The following SAMD14 variants were observed in gnomAD, a reference collection of about 807,000 sequenced individuals.
SAMD14 encodes the protein sterile alpha motif domain containing 14.
In SAMD14, 27 loss-of-function variants were observed where a neutral mutation model predicts 46.2. The ratio of observed to expected loss-of-function variants is 0.58; its 90% CI spans 0.43 to 0.81. The LOEUF is 0.81. SAMD14 is among the 30% of genes least tolerant of loss of function. The pLI is 0.00. For missense variants in SAMD14, 559 were observed against 582.2 expected (o/e 0.96, Z 0.41); for synonymous variants, 241 against 254.3 (o/e 0.95, Z 0.50).
chr17:50,114,110 G>A (rs1911034780), intron 8 of SAMD14, 31 bp from the exon 9 acceptor site: 1 of 1,613,814 alleles, frequency 6.2e-7, no homozygotes, highest in Non-Finnish European at 8.5e-7. Flanking sequence ...GTGAGGGGGA[G>A]GCTTGGCCTG....
intron 3 of SAMD14, 100 bp from the exon 4 acceptor site, chr17:50,117,795 C>A (rs1911305099): frequency 8.0e-7 from 1 of 1,246,244 alleles, no homozygotes; most frequent in Non-Finnish European, 1.0e-6. Context: ...GAGGGTCCTT[C>A]CGGGGCCTAG....
intron 1 of SAMD14, among the ~76,000 whole-genome samples, chr17:50,128,449 ACT>A (rs1298259771): frequency 1.3e-5 from 1 of 75,454 alleles, no homozygotes; most frequent in Non-Finnish European, 2.5e-5. Flanking sequence ...ACCCGCCCCC[ACT>A]CTCACTCCCA....
intron 7 of SAMD14, 151 bp from the exon 8 acceptor site, chr17:50,114,457 A>G (rs766602680): frequency 1.9e-6 from 3 of 1,608,488 alleles, no homozygotes; most frequent in Admixed American, 3.4e-5. Context: ...ACAGGACATG[A>G]TAACTCATGT....
At chr17:50,125,070 C>A (rs1017104855) in intron 1 of SAMD14, 99 bp from the exon 2 acceptor site, 30 of 1,009,790 alleles carry the variant, frequency 3.0e-5, no homozygotes, top group Non-Finnish European at 3.9e-5. Flanking sequence ...CTGCTCCAGG[C>A]CTGTTGGCCC....
At chr17:50,124,755 G>C (rs576585407) in intron 2 of SAMD14, among the ~76,000 whole-genome samples, 162 bp downstream of exon 2, 1 of 102,462 alleles carries the variant, frequency 9.8e-6, no homozygotes, top group Non-Finnish European at 2.0e-5. Flanking sequence ...ATACCTGCAC[G>C]CGTGCACGCG....
intron 2 of SAMD14, chr17:50,124,051 A>G (rs1404934523): frequency 6.6e-6 from 3 of 455,876 alleles, no homozygotes; most frequent in Non-Finnish European, 1.3e-5. Context: ...ACCCTCTGGC[A>G]TAGGAGCCCC....
chr17:50,125,180 G>T (rs1398522091), intron 1 of SAMD14: 3 of 552,296 alleles, frequency 5.4e-6, no homozygotes, highest in Admixed American at 6.2e-5. Context: ...TAGTAGGAGG[G>T]TGGGGGCAGA....
chr17:50,127,606 A>AC (rs1911838685), intron 1 of SAMD14, among the ~76,000 whole-genome samples: 1 of 151,994 alleles, frequency 6.6e-6, no homozygotes, highest in African/African-American at 2.4e-5. Flanking sequence ...TGTCTCAAAA[A>AC]AAAAAACAAA....
chr17:50,113,087 C>T lies in SAMD14; in HGVS notation c.1099-39G>A, dbSNP rs546502292. 2.8e-5 allele frequency: 45 copies of T among 1,602,680 alleles called. No individual in the cohort carries two copies. In the South Asian group the frequency reaches 4.8e-4, roughly 17 times the overall value. ...CGGGGTGAGGGAGAGAGTCCCAGAA[C>T]CTTCCCAGTCCTGGCCTCCCACGCC... On this transcript the variant is annotated intron_variant, in intron 9 of 9. Coordinates refer to ENST00000330175, the MANE Select transcript of SAMD14 (RefSeq NM_001257359.2).
chr17:50,112,851 AGTGGCT>A lies in SAMD14; in HGVS notation c.*36_*41del. The stretch of plus-strand genomic sequence containing the variant: ...TGGTGAGGCCTGTGCCCGCGGAGCC[AGTGGCT>A]GCCCCTGCCGGGTGCCAGCGCCTGT... On this transcript the variant is annotated 3_prime_UTR_variant, in exon 10 of 10. Transcript: ENST00000330175. 1 of 1,579,310 alleles carries A rather than the reference AGTGGCT, an allele frequency of 6.3e-7. No homozygotes were observed. The highest frequency in any genetic ancestry group is 1.1e-5 in the South Asian group (1 of 88,942).
chr17:50,110,047 T>C lies in SAMD14; in HGVS notation c.*2846A>G. 6.2e-7 allele frequency: 1 copy of C among 1,611,156 alleles called. No homozygotes were observed. The highest frequency in any genetic ancestry group is 1.1e-5 in the South Asian group (1 of 90,386). ...GACCATCCAGGAGGCCGGCGACTGG[T>C]GTGTGCCCAGCACGGAGCCCAAGAA... On this transcript the variant is annotated 3_prime_UTR_variant, in exon 10 of 10. Transcript: ENST00000330175.
At position 50,111,056 on chromosome 17, in the gene SAMD14, G is replaced by T. The variant is rs932396897; in HGVS notation, c.*1837C>A. 1.3e-5 allele frequency: 2 copies of T among 152,430 alleles called. No individual in the cohort carries two copies. Among genetic ancestry groups the T allele is most frequent in the African/African-American group, 4.8e-5 (2 of 41,458 alleles). The allele number at this position is 152,430 out of a possible 1,614,324, so 9.4% of individuals were successfully genotyped here. A position where few individuals can be genotyped will look rare whatever the true frequency, so the allele number is the denominator to read the frequency against. ...ACCCACAGTAAAGAGGAGACTGAAT[G>T]AGACTGGCCTGGCTGCATCCCTGGG... On this transcript the variant is annotated 3_prime_UTR_variant, in exon 10 of 10. Transcript: ENST00000330175.
intron 4 of SAMD14, among the ~76,000 whole-genome samples, chr17:50,116,917 G>C (rs1476555900): frequency 3.3e-5 from 5 of 152,080 alleles, no homozygotes; most frequent in Non-Finnish European, 7.4e-5. Flanking sequence ...GAGGCAAGGA[G>C]TGATCATAGC....
chr17:50,110,079 C>A lies in SAMD14; in HGVS notation c.*2814G>T. 6.2e-7 allele frequency: 1 copy of A among 1,609,422 alleles called. No individual in the cohort carries two copies. The highest frequency in any genetic ancestry group is 8.5e-7 in the Non-Finnish European group (1 of 1,177,600). ...CCAGCACGGAGCCCAAGAACACGTC[C>A]ACGTACCGCGTCAGCTAAGGGCCGC... On this transcript the variant is annotated 3_prime_UTR_variant, in exon 10 of 10. Coordinates refer to ENST00000330175, the MANE Select transcript of SAMD14 (RefSeq NM_001257359.2).
rs557476944 is a variant in SAMD14 at position 50,125,157 on chromosome 17, G to A, written c.-12-186C>T. On this transcript the variant is annotated intron_variant, in intron 1 of 9. Coordinates refer to ENST00000330175, the MANE Select transcript of SAMD14 (RefSeq NM_001257359.2). ...AATCATAACCCAGATGGTGGGCGCC[G>A]GGGCAGGCAGTATAGTAGGAGGGTG... 4.5e-4 allele frequency: 263 copies of A among 584,050 alleles called. 1 individual carries two copies. In the East Asian group the frequency reaches 7.2e-3, roughly 16 times the overall value. The allele number at this position is 584,050 out of a possible 1,614,324, so 36.2% of individuals were successfully genotyped here. A position where few individuals can be genotyped will look rare whatever the true frequency, so the allele number is the denominator to read the frequency against.
rs151095487 is a variant in SAMD14 at position 50,128,612 on chromosome 17, G to C, written c.-13+905C>G. Reference sequence around the variant, plus strand: ...CCAATCCTGGAGAAGGAGCACCAATGACCTTTGACCCTTCTCTGGGAGAAA... The same window carrying C: ...CCAATCCTGGAGAAGGAGCACCAATCACCTTTGACCCTTCTCTGGGAGAAA... On this transcript the variant is annotated intron_variant, in intron 1 of 9. Transcript: ENST00000330175. Among the ~76,000 whole-genome samples the C allele has an allele frequency of 7.2e-5, 11 of 152,244 alleles. No homozygotes were observed. The East Asian group carries it at 2.1e-3, about 29-fold the overall frequency.
At chr17:50,114,431 G>C in intron 7 of SAMD14, 125 bp from the exon 8 acceptor site, 1 of 1,613,552 alleles carries the variant, frequency 6.2e-7, no homozygotes, top group Non-Finnish European at 8.5e-7. Context: ...GCATGAGCCA[G>C]GAGCTGGGCC....
Position 50,118,359 on chromosome 17 carries a change from A to T in SAMD14, c.44-32T>A, listed in dbSNP as rs138169376. On this transcript the variant is annotated intron_variant, in intron 2 of 9. Coordinates refer to ENST00000330175, the MANE Select transcript of SAMD14 (RefSeq NM_001257359.2). The stretch of plus-strand genomic sequence containing the variant: ...ACCGGGGGAGGGGAGCAGAGACCAG[A>T]CACATGAGAGGTGACGGCAAGCCCA... 5.0e-3 allele frequency: 7,961 copies of T among 1,605,704 alleles called. 24 individuals carry two copies. The highest frequency in any genetic ancestry group is 6.1e-3 in the Non-Finnish European group (7,175 of 1,179,620).
chr17:50,118,019 G>T, intron 3 of SAMD14, 142 bp downstream of exon 3: 1 of 892,294 alleles, frequency 1.1e-6, no homozygotes, highest in Non-Finnish European at 1.7e-6. Flanking sequence ...GAAGTGAACT[G>T]CAGCTAACAC....
Sources: gnomAD v4.1 joint callset for allele counts (sites outside exome capture counted in the v4.1 genomes callset) on GRCh38, gnomAD v4.1.1 for gene constraint, MANE v1.5 for transcripts, NCBI Gene and HGNC (gene_info 2026-07-23, HGNC 2026-07-21) for gene names.